The following ELL2 variants were observed in gnomAD, a reference collection of about 807,000 sequenced individuals.
ELL2 encodes elongation factor for RNA polymerase II 2, also known as RNA polymerase II elongation factor ELL2.
Under a neutral mutation model 72.8 loss-of-function variants are expected in ELL2, and 21 were observed. That is an observed-to-expected ratio of 0.29 (90% confidence interval 0.20 to 0.42). ELL2 has a LOEUF of 0.42. Ranked by LOEUF, ELL2 falls within the 10% of genes least tolerant of loss-of-function variation. The probability of loss-of-function intolerance (pLI) is 1.00; values close to 1 mark genes in which losing one functional copy is unlikely to be tolerated. For missense variants in ELL2, 568 were observed against 772.8 expected (o/e 0.73, Z 3.14); for synonymous variants, 266 against 283.2 (o/e 0.94, Z 0.61).
intron 1 of ELL2, among the ~76,000 whole-genome samples, chr5:95,957,704 T>C (rs1051349959): frequency 6.6e-6 from 1 of 152,178 alleles, no homozygotes; most frequent in Non-Finnish European, 1.5e-5. Flanking sequence ...TCTCTAAAAA[T>C]AGGGAACCTG....
At chr5:95,939,215 G>T (rs186524018) in intron 2 of ELL2, among the ~76,000 whole-genome samples, 1 of 152,080 alleles carries the variant, frequency 6.6e-6, no homozygotes, top group African/African-American at 2.4e-5. Context: ...ACACATATAC[G>T]CCTTGTTCCT....
At chr5:95,919,344 A>ATGTAT in intron 3 of ELL2, 80 bp downstream of exon 3, 1 of 1,460,406 alleles carries the variant, frequency 6.8e-7, no homozygotes, top group Non-Finnish European at 9.2e-7. Flanking sequence ...GATGAATATT[A>ATGTAT]TGTATTGTAT....
In ELL2 at chr5:95,895,732, CGAA is replaced by C. The variant is rs780325511; in HGVS notation, c.1526-44_1526-42del. ...ACAAAATCAGAGCATTCATCAACTA[CGAA>C]GGTTATCAAATGCCTGTAATTCTAA... On this transcript the variant is annotated intron_variant, in intron 8 of 11. Coordinates refer to ENST00000237853, the MANE Select transcript of ELL2 (RefSeq NM_012081.6). The C allele has an allele frequency of 6.0e-6, 9 of 1,488,740 alleles. No homozygotes were observed. The African/African-American group carries it at 1.2e-4, about 21-fold the overall frequency. The allele number at this position is 1,488,740 out of a possible 1,614,324, so 92.2% of individuals were successfully genotyped here.
At chr5:95,929,146 G>A (rs1408597739) in intron 2 of ELL2, among the ~76,000 whole-genome samples, 1 of 152,080 alleles carries the variant, frequency 6.6e-6, no homozygotes, top group East Asian at 1.9e-4. Flanking sequence ...CTCACCTCTA[G>A]GCGCTCATCG....
chr5:95,904,727 G>A lies in ELL2; in HGVS notation c.741+1796C>T, dbSNP rs183797778. 1.4e-3 allele frequency among the ~76,000 whole-genome samples: 211 copies of A among 152,226 alleles called. 3 individuals carry two copies. The highest frequency in any genetic ancestry group is 9.8e-3 in the Admixed American group (150 of 15,292). ...TTGGGATGATTTGTATGTATCTTGC[G>A]GCTCTTCTTTTCTCTGGTGCCTACT... On this transcript the variant is annotated intron_variant, in intron 5 of 11. Transcript: ENST00000237853.
chr5:95,900,007 G>A (rs999542451), intron 7 of ELL2, among the ~76,000 whole-genome samples: 5 of 152,020 alleles, frequency 3.3e-5, no homozygotes, highest in African/African-American at 1.2e-4. Context: ...AGAGAGAGAG[G>A]GAAGACACTG....
At chr5:95,951,623 A>T (rs1361336583) in intron 1 of ELL2, among the ~76,000 whole-genome samples, 1 of 152,120 alleles carries the variant, frequency 6.6e-6, no homozygotes, top group Admixed American at 6.5e-5. Context: ...ACTAGAAATT[A>T]ATAAAATGTG....
rs749619819 is a variant in ELL2 at position 95,891,278 on chromosome 5, A to G, written c.1590-4T>C. ...GGAGACGATAGCGATATATTTTCTA[A>G]TAAGAAAAAAGATAAATGGAGAGTA... On this transcript the variant is annotated splice_polypyrimidine_tract_variant and splice_region_variant and intron_variant, in intron 9 of 11. Transcript: ENST00000237853. 6.3e-7 allele frequency: 1 copy of G among 1,597,360 alleles called. No homozygotes were observed. The highest frequency in any genetic ancestry group is 2.2e-5 in the East Asian group (1 of 44,740).
Position 95,952,529 on chromosome 5 carries a change from T to C in ELL2, c.147+9046A>G, listed in dbSNP as rs150881768. ...CAACAAAGGAGAGGATCTTTTATAA[T>C]AACAAAATCAGGTAACACTTTTATA... On this transcript the variant is annotated intron_variant, in intron 1 of 11. Transcript: ENST00000237853. Among the ~76,000 whole-genome samples, 487 of 152,318 alleles carry C rather than the reference T, an allele frequency of 3.2e-3. 5 individuals carry two copies. The highest frequency in any genetic ancestry group is 0.011 in the African/African-American group (464 of 41,574).
At chr5:95,926,341 AG>A (rs1343202451) in intron 2 of ELL2, among the ~76,000 whole-genome samples, 2 of 152,176 alleles carry the variant, frequency 1.3e-5, no homozygotes, top group African/African-American at 4.8e-5. Context: ...CAGAGGGTAG[AG>A]AGGATCCAAC....
intron 4 of ELL2, among the ~76,000 whole-genome samples, chr5:95,910,831 C>T (rs1230298459): frequency 6.6e-6 from 1 of 152,190 alleles, no homozygotes; most frequent in Non-Finnish European, 1.5e-5. Flanking sequence ...CTTCTGGCAT[C>T]ATTTTATGTG....
At chr5:95,907,296 A>ATATATATATTTTTTTTTTTTTTTTT in intron 4 of ELL2, among the ~76,000 whole-genome samples, 1 of 116,518 alleles carries the variant, frequency 8.6e-6, no homozygotes, top group African/African-American at 4.1e-5. Context: ...ATATATATAT[A>ATATATATATTTTTTTTTTTTTTTTT]TTTTTTTTTT....
chr5:95,921,576 C>T (rs1316426687), intron 2 of ELL2, among the ~76,000 whole-genome samples: 2 of 152,192 alleles, frequency 1.3e-5, no homozygotes, highest in African/African-American at 4.8e-5. Flanking sequence ...GCACGCTCAG[C>T]GCCTAGTTGG....
At chr5:95,947,793 T>C (rs1751221081) in intron 1 of ELL2, among the ~76,000 whole-genome samples, 1 of 152,194 alleles carries the variant, frequency 6.6e-6, no homozygotes, top group Admixed American at 6.5e-5. Context: ...CCAAGGAAAA[T>C]GAATTTCATA....
chr5:95,916,769 C>T (rs1416966660), intron 3 of ELL2, among the ~76,000 whole-genome samples: 2 of 148,516 alleles, frequency 1.3e-5, no homozygotes, highest in Non-Finnish European at 3.0e-5. Context: ...AACCCACTGA[C>T]AGAGGAATGC....
chr5:95,899,398 A>G (rs1240006274), intron 7 of ELL2, among the ~76,000 whole-genome samples: 2 of 152,220 alleles, frequency 1.3e-5, no homozygotes, highest in African/African-American at 4.8e-5. Flanking sequence ...GGGAACAGCC[A>G]GCACTTTCAG....
intron 2 of ELL2, among the ~76,000 whole-genome samples, chr5:95,928,149 A>C (rs1388989154): frequency 6.6e-6 from 1 of 152,148 alleles, no homozygotes; most frequent in African/African-American, 2.4e-5. Flanking sequence ...GAGATACTGC[A>C]TCAGGGAAAA....
At position 95,960,524 on chromosome 5, in the gene ELL2, A is replaced by ATG. The variant is rs144833421; in HGVS notation, c.147+1049_147+1050dup. Among the ~76,000 whole-genome samples the ATG allele has an allele frequency of 6.6e-4, 100 of 150,884 alleles. No homozygotes were observed. In the South Asian group the frequency reaches 7.6e-3, roughly 11 times the overall value. On this transcript the variant is annotated intron_variant, in intron 1 of 11. Coordinates refer to ENST00000237853, the MANE Select transcript of ELL2 (RefSeq NM_012081.6). Reference sequence around the variant, plus strand: ...CTGTACTGGAGGGGTGTGTGTGTATATGTGTGTGTGTGTGTCCATGGGCTT... The same window carrying ATG: ...CTGTACTGGAGGGGTGTGTGTGTATATGTGTGTGTGTGTGTGTCCATGGGCTT...
intron 1 of ELL2, 91 bp from the exon 2 acceptor site, chr5:95,943,140 G>T (rs1751032109): frequency 3.7e-6 from 4 of 1,080,600 alleles, no homozygotes; most frequent in East Asian, 3.1e-5. Context: ...TGTTATTTGG[G>T]CCAGGCACAG....
Sources: allele counts gnomAD v4.1 joint callset (sites outside exome capture counted in the v4.1 genomes callset), GRCh38; gene constraint gnomAD v4.1.1; transcripts MANE v1.5; gene names NCBI Gene and HGNC (gene_info 2026-07-23, HGNC 2026-07-21).